Variants in IFT80 observed in about 807,000 individuals in gnomAD.
The protein encoded by IFT80 is intraflagellar transport 80.
Under a neutral mutation model 107.9 loss-of-function variants are expected in IFT80, and 79 were observed. That is an observed-to-expected ratio of 0.73 (90% CI 0.61 to 0.88). The LOEUF (loss-of-function observed/expected upper bound fraction) is 0.88. IFT80 is among the 40% of genes least tolerant of loss of function. The pLI, the probability that IFT80 is intolerant of heterozygous loss-of-function variation, is 0.00. For missense variants in IFT80, 797 were observed against 914.2 expected, an observed-to-expected ratio of 0.87 and a Z score of 1.65; for synonymous variants, 299 against 300.9, an observed-to-expected ratio of 0.99 and a Z score of 0.07.
At chr3:160,288,566 G>C (rs1192219639) in intron 12 of IFT80, among the ~76,000 whole-genome samples, 1 of 152,030 alleles carries the variant, frequency 6.6e-6, no homozygotes, top group African/African-American at 2.4e-5. Context: ...TACAGAATAG[G>C]AGAAAATTTC....
intron 9 of IFT80, among the ~76,000 whole-genome samples, chr3:160,312,412 A>G (rs1177855574): frequency 2.0e-5 from 3 of 149,780 alleles, no homozygotes; most frequent in East Asian, 2.0e-4. Flanking sequence ...CACTTCAAGT[A>G]TTAATACTTT....
chr3:160,264,920 G>A (rs150649230), intron 19 of IFT80, among the ~76,000 whole-genome samples: 1 of 152,188 alleles, frequency 6.6e-6, no homozygotes, highest in Non-Finnish European at 1.5e-5. Context: ...CTACCCTGCA[G>A]TGAGCTTCTA....
At chr3:160,360,984 A>G (rs1249244532) in intron 6 of IFT80, among the ~76,000 whole-genome samples, 1 of 152,188 alleles carries the variant, frequency 6.6e-6, no homozygotes, top group Non-Finnish European at 1.5e-5. Context: ...AATGGGCAAA[A>G]TAACCAGCTA....
At chr3:160,351,999 A>C (rs544114095) in intron 8 of IFT80, among the ~76,000 whole-genome samples, 8 of 151,826 alleles carry the variant, frequency 5.3e-5, no homozygotes, top group African/African-American at 1.9e-4. Context: ...GCAAAGTGGC[A>C]GACATAACAC....
rs779179710 is a variant in IFT80 at position 160,277,443 on chromosome 3, A to AT, written c.1961dup (p.Asn654LysfsTer5). Reference sequence around the variant, plus strand: ...CCATTTTTGATTCTTTAGATGGAAGATTTTTTATAGAATTGATGTACTGAA... The same window carrying AT: ...CCATTTTTGATTCTTTAGATGGAAGATTTTTTTATAGAATTGATGTACTGAA... On this transcript the variant is annotated frameshift_variant, in exon 18 of 20. Transcript: ENST00000326448. LOFTEE classifies it high-confidence loss of function. 1.1e-5 allele frequency: 18 copies of AT among 1,610,430 alleles called. No homozygotes were observed. The highest frequency in any genetic ancestry group is 1.4e-5 in the Non-Finnish European group (17 of 1,176,960).
intron 6 of IFT80, among the ~76,000 whole-genome samples, chr3:160,363,866 G>T (rs147742305): frequency 0.017 from 2,633 of 152,080 alleles, 31 homozygotes; most frequent in Middle Eastern, 0.095. Context: ...TTCAAGATGG[G>T]TTAAAGTCTT....
chr3:160,366,220 A>G (rs1721853915), intron 5 of IFT80, 68 bp from the exon 6 acceptor site: 2 of 1,147,792 alleles, frequency 1.7e-6, no homozygotes, highest in Non-Finnish European at 2.6e-6. Flanking sequence ...AAAAAGAGAG[A>G]TTGTTAAGAG....
intron 8 of IFT80, among the ~76,000 whole-genome samples, chr3:160,352,197 T>C (rs1370248930): frequency 6.6e-6 from 1 of 151,586 alleles, no homozygotes; most frequent in African/African-American, 2.4e-5. Flanking sequence ...GGTTTCACCA[T>C]GTTAGCCAGG....
intron 9 of IFT80, among the ~76,000 whole-genome samples, chr3:160,313,074 ATTT>A (rs1231715335): frequency 2.8e-5 from 3 of 106,548 alleles, no homozygotes; most frequent in Non-Finnish European, 5.4e-5. Flanking sequence ...TATTATATAT[ATTT>A]TATATAATAT....
intron 8 of IFT80, among the ~76,000 whole-genome samples, chr3:160,324,955 C>T (rs1281161505): frequency 1.3e-5 from 2 of 150,074 alleles, no homozygotes; most frequent in Non-Finnish European, 3.0e-5. Context: ...AATCAATGTA[C>T]AAAAATCACA....
intron 5 of IFT80, among the ~76,000 whole-genome samples, chr3:160,367,039 T>C (rs1205945806): frequency 1.3e-5 from 2 of 152,122 alleles, no homozygotes; most frequent in Admixed American, 6.6e-5. Context: ...TGTCTTTCTG[T>C]GCCTGGCTCA....
intron 12 of IFT80, among the ~76,000 whole-genome samples, chr3:160,298,855 G>A: frequency 6.6e-6 from 1 of 152,098 alleles, no homozygotes; most frequent in East Asian, 1.9e-4. Flanking sequence ...TGGTATTTGT[G>A]TACCTAACCA....
intron 4 of IFT80, among the ~76,000 whole-genome samples, chr3:160,376,311 G>A (rs981275512): frequency 6.6e-6 from 1 of 152,176 alleles, no homozygotes; most frequent in East Asian, 1.9e-4. Context: ...CTACTCTTTT[G>A]AACAGCTTTG....
At chr3:160,358,003 T>A (rs902139508) in intron 6 of IFT80, among the ~76,000 whole-genome samples, 7 of 151,324 alleles carry the variant, frequency 4.6e-5, no homozygotes, top group East Asian at 1.9e-4. Flanking sequence ...TACTTATTTA[T>A]TTTATTTATT....
intron 4 of IFT80, among the ~76,000 whole-genome samples, chr3:160,376,873 CT>C (rs1346505524): frequency 2.6e-5 from 4 of 152,184 alleles, no homozygotes; most frequent in African/African-American, 9.7e-5. Flanking sequence ...GAAGTGGATC[CT>C]CCAGCCCCAG....
At chr3:160,380,083 A>G (rs1177854966) in intron 3 of IFT80, among the ~76,000 whole-genome samples, 1 of 148,230 alleles carries the variant, frequency 6.7e-6, no homozygotes, top group Non-Finnish European at 1.5e-5. Context: ...CCCAGGATAG[A>G]GTGCAATGGC....
rs75747439 is a variant in IFT80 at position 160,310,844 on chromosome 3, T to C, written c.958-3063A>G. Among the ~76,000 whole-genome samples the C allele has an allele frequency of 6.9e-4, 105 of 152,230 alleles. 1 individual carries two copies. The East Asian group carries it at 0.018, about 26-fold the overall frequency. On this transcript the variant is annotated intron_variant, in intron 9 of 19. Transcript: ENST00000326448. The stretch of plus-strand genomic sequence containing the variant: ...AACACAGGATAAATGAACATATTAA[T>C]TGTAATCAAGGCTGGGCATGGTGGC...
rs766262240 is a variant in IFT80, at chr3:160,319,735, A to G, written c.957+25T>C. The stretch of plus-strand genomic sequence containing the variant: ...AACTAATATGAAAAGAAGCAGGTTT[A>G]ATCAACCTTGGAACATAATAATACC... On this transcript the variant is annotated intron_variant, in intron 9 of 19. Coordinates refer to ENST00000326448, the MANE Select transcript of IFT80 (RefSeq NM_020800.3). 6.9e-6 allele frequency: 11 copies of G among 1,593,638 alleles called. No individual in the cohort carries two copies. The Admixed American group carries it at 1.0e-4, about 15-fold the overall frequency.
intron 8 of IFT80, among the ~76,000 whole-genome samples, chr3:160,354,856 C>T (rs1021304774): frequency 6.6e-6 from 1 of 152,028 alleles, no homozygotes; most frequent in South Asian, 2.1e-4. Flanking sequence ...TTTTATGGCA[C>T]CAGGTTTCAA....
Sources: allele counts gnomAD v4.1 joint callset (sites outside exome capture counted in the v4.1 genomes callset), GRCh38; gene constraint gnomAD v4.1.1; transcripts MANE v1.5; gene names NCBI Gene and HGNC (gene_info 2026-07-23, HGNC 2026-07-21).